The following SLC22A15 variants were observed in gnomAD, a reference collection of about 807,000 sequenced individuals.
The protein encoded by SLC22A15 is flipt 1.
SLC22A15 carries 45 observed loss-of-function variants against 62.7 expected under a neutral mutation model. The observed-to-expected ratio is 0.72, with a 90% CI of 0.56 to 0.92. SLC22A15 has a LOEUF of 0.92. SLC22A15 is among the 40% of genes least tolerant of loss of function. The probability of loss-of-function intolerance (pLI) is 0.00; values close to 1 mark genes in which losing one functional copy is unlikely to be tolerated. For missense variants in SLC22A15, 622 were observed against 665.6 expected (o/e 0.93, Z 0.72); for synonymous variants, 264 against 267.0 (o/e 0.99, Z 0.11).
At chr1:116,006,116 TC>T (rs1247096086) in intron 2 of SLC22A15, among the ~76,000 whole-genome samples, 4 of 152,130 alleles carry the variant, frequency 2.6e-5, no homozygotes, top group Non-Finnish European at 5.9e-5. Context: ...ATGTAGAATA[TC>T]CCACTGTATG....
Position 116,028,759 on chromosome 1 carries a change from A to G in SLC22A15, c.728+1737A>G, listed in dbSNP as rs190982277. On this transcript the variant is annotated intron_variant, in intron 5 of 11. Coordinates refer to ENST00000369503, the MANE Select transcript of SLC22A15 (RefSeq NM_018420.3). Reference sequence around the variant, plus strand: ...AATTTCCCATCCTATGTTCAGGCACACTGCACTACTTGTTCCTTATGCTTT... The same window carrying G: ...AATTTCCCATCCTATGTTCAGGCACGCTGCACTACTTGTTCCTTATGCTTT... Among the ~76,000 whole-genome samples the G allele has an allele frequency of 7.2e-5, 11 of 152,180 alleles. 1 individual carries two copies. The East Asian group carries it at 1.4e-3, about 19-fold the overall frequency.
At position 115,976,733 on chromosome 1, in the gene SLC22A15, G is replaced by A; in HGVS notation, c.87+19G>A. 1.3e-6 allele frequency: 2 copies of A among 1,566,176 alleles called. No homozygotes were observed. The highest frequency in any genetic ancestry group is 1.7e-6 in the Non-Finnish European group (2 of 1,156,276). ...GCTGCAGGTAAGTCCCCGCGGCCCC[G>A]CAGCCGCATTTCCCTCTTCAGGGCC... On this transcript the variant is annotated intron_variant, in intron 1 of 11. Coordinates refer to ENST00000369503, the MANE Select transcript of SLC22A15 (RefSeq NM_018420.3).
intron 4 of SLC22A15, among the ~76,000 whole-genome samples, chr1:116,023,151 A>G (rs760516216): frequency 3.3e-5 from 5 of 152,220 alleles, no homozygotes; most frequent in Non-Finnish European, 7.3e-5. Context: ...TTATTACAAA[A>G]TAATATTTGC....
At chr1:116,036,447 C>G (rs1314730945) in intron 7 of SLC22A15, among the ~76,000 whole-genome samples, 2 of 152,068 alleles carry the variant, frequency 1.3e-5, no homozygotes, top group Admixed American at 1.3e-4. Flanking sequence ...CTTCTTAGCG[C>G]CCCCCAGAGT....
At chr1:116,025,845 A>C (rs531836710) in intron 4 of SLC22A15, among the ~76,000 whole-genome samples, 1 of 152,338 alleles carries the variant, frequency 6.6e-6, no homozygotes, top group Admixed American at 6.5e-5. Context: ...AGTGGCACTT[A>C]TAGAAAGTGT....
intron 2 of SLC22A15, among the ~76,000 whole-genome samples, chr1:115,993,550 G>A (rs1220185787): frequency 6.6e-6 from 1 of 151,794 alleles, no homozygotes; most frequent in Non-Finnish European, 1.5e-5. Context: ...CTTTGGATGA[G>A]GCATACTAAA....
At chr1:116,010,756 C>T (rs1315059166) in intron 2 of SLC22A15, among the ~76,000 whole-genome samples, 2 of 152,194 alleles carry the variant, frequency 1.3e-5, no homozygotes, top group Non-Finnish European at 2.9e-5. Context: ...GCGTAGAGCC[C>T]TCATGGATGT....
chr1:116,032,379 T>C (rs1278309310), intron 6 of SLC22A15: 1 of 985,254 alleles, frequency 1.0e-6, no homozygotes, highest in Admixed American at 6.2e-5. Context: ...CTGGGCAAAA[T>C]CATACCTACT....
intron 2 of SLC22A15, among the ~76,000 whole-genome samples, chr1:116,015,895 A>G (rs1045928788): frequency 5.9e-5 from 9 of 152,278 alleles, no homozygotes; most frequent in East Asian, 1.9e-4. Context: ...ACAACCTGAT[A>G]TCTCATATTG....
chr1:115,989,366 C>T lies in SLC22A15; in HGVS notation c.88-2665C>T, dbSNP rs998757652. Among the ~76,000 whole-genome samples, 3 of 152,222 alleles carry T rather than the reference C, an allele frequency of 2.0e-5. No homozygotes were observed. In the South Asian group the frequency reaches 6.2e-4, roughly 32 times the overall value. On this transcript the variant is annotated intron_variant, in intron 1 of 11. Transcript: ENST00000369503. ...CACTTTATTTTTGAGTTGTTTTCTC[C>T]AAACTGGCTTTATTGAGAATGGTGT...
At chr1:116,031,643 A>G in intron 6 of SLC22A15, 62 bp downstream of exon 6, 2 of 1,596,322 alleles carry the variant, frequency 1.3e-6, no homozygotes, top group Non-Finnish European at 1.7e-6. Context: ...TTCTCTTGAT[A>G]TCCTGCTCCT....
At chr1:115,990,938 G>T (rs2101087973) in intron 1 of SLC22A15, among the ~76,000 whole-genome samples, 1 of 152,026 alleles carries the variant, frequency 6.6e-6, no homozygotes, top group East Asian at 1.9e-4. Context: ...GTGTATTTTT[G>T]GTAGAGATGG....
At chr1:115,985,785 A>G (rs1397677769) in intron 1 of SLC22A15, among the ~76,000 whole-genome samples, 1 of 151,840 alleles carries the variant, frequency 6.6e-6, no homozygotes. Flanking sequence ...TGTCTCTACT[A>G]AAAATACAAA....
Position 116,020,762 on chromosome 1 carries a change from T to C in SLC22A15, c.475T>C (p.Ser159Pro), listed in dbSNP as rs548801177. ...DILFAIANGF[S>P]PSYEFFAVTR... The stretch of plus-strand genomic sequence containing the variant: ...CTTATTTGCAATTGCAAATGGATTT[T>C]CCCCCTCATATGAGTTCTTTGCAGT... Residue 159 changes from serine to proline, a missense_variant, in exon 4 of 12, where the codon TCC (serine) becomes CCC (proline). Transcript: ENST00000369503. 5 of 1,613,254 alleles carry C rather than the reference T, an allele frequency of 3.1e-6. No individual in the cohort carries two copies. Among genetic ancestry groups the C allele is most frequent in the Middle Eastern group, 1.7e-4 (1 of 6,050 alleles).
intron 11 of SLC22A15, 67 bp downstream of exon 11, chr1:116,066,775 C>T (rs753391260): frequency 7.0e-6 from 10 of 1,433,872 alleles, no homozygotes; most frequent in South Asian, 5.5e-5. Context: ...AGAAGGTTTG[C>T]GTTAAATTAA....
chr1:116,061,488 A>G (rs1197232258), intron 8 of SLC22A15, among the ~76,000 whole-genome samples: 1 of 152,134 alleles, frequency 6.6e-6, no homozygotes, highest in Admixed American at 6.6e-5. Context: ...AGAGGATGGT[A>G]TGGAAGCCAG....
chr1:116,019,578 C>T lies in SLC22A15; in HGVS notation c.301-4C>T, dbSNP rs1464615729. The T allele has an allele frequency of 6.3e-7, 1 of 1,596,030 alleles. No individual in the cohort carries two copies. The highest frequency in any genetic ancestry group is 8.5e-7 in the Non-Finnish European group (1 of 1,174,928). ...TGTCTCTCTTTTGTTTTATCTTCCT[C>T]TAGTGGTTTTTAATTGCCAACAGAT... On this transcript the variant is annotated splice_polypyrimidine_tract_variant and splice_region_variant and intron_variant, in intron 2 of 11. Transcript: ENST00000369503.
At chr1:116,034,283 C>G (rs1373908517) in intron 6 of SLC22A15, among the ~76,000 whole-genome samples, 1 of 152,064 alleles carries the variant, frequency 6.6e-6, no homozygotes, top group Non-Finnish European at 1.5e-5. Context: ...TCATTCTATT[C>G]TATTTTGTTT....
intron 8 of SLC22A15, among the ~76,000 whole-genome samples, chr1:116,048,543 G>A (rs548754844): frequency 3.9e-5 from 6 of 152,214 alleles, no homozygotes; most frequent in South Asian, 2.1e-4. Flanking sequence ...GAGAGAATTC[G>A]CCACTACCAA....
Sources: gnomAD v4.1 joint callset for allele counts (sites outside exome capture counted in the v4.1 genomes callset) on GRCh38, gnomAD v4.1.1 for gene constraint, MANE v1.5 for transcripts, NCBI Gene and HGNC (gene_info 2026-07-23, HGNC 2026-07-21) for gene names.